Variants in GCNT2 observed in about 807,000 individuals in gnomAD.
GCNT2 encodes the protein N-acetyllactosaminide beta-1,6-N-acetylglucosaminyl-transferase.
A neutral mutation model predicts 34.2 loss-of-function variants in GCNT2; 34 were observed. The observed-to-expected ratio is 1.00, with a 90% confidence interval of 0.76 to 1.32. The LOEUF (loss-of-function observed/expected upper bound fraction) is 1.32, where lower values mean the gene tolerates loss of function less well. Among genes scored for constraint, GCNT2 ranks in the 40% most tolerant of loss-of-function variants. GCNT2 has a pLI of 0.00. For missense variants in GCNT2, 584 were observed against 489.4 expected (o/e 1.19, Z -1.82); for synonymous variants, 212 against 188.0 (o/e 1.13, Z -1.04).
chr6:10,614,846 C>T (rs116341690), intron 3 of GCNT2, among the ~76,000 whole-genome samples: 109 of 152,170 alleles, frequency 7.2e-4, no homozygotes, highest in Middle Eastern at 3.4e-3. Flanking sequence ...AATGGACGCG[C>T]GTTCATTCCT....
chr6:10,589,054 T>C (rs1764499459), intron 3 of GCNT2, among the ~76,000 whole-genome samples: 1 of 146,808 alleles, frequency 6.8e-6, no homozygotes, highest in African/African-American at 2.5e-5. Context: ...ATGGTGTGTG[T>C]GTGGTGTGTG....
At chr6:10,585,869 G>C (rs1044771263) in intron 3 of GCNT2, 5 of 1,540,294 alleles carry the variant, frequency 3.2e-6, no homozygotes, top group East Asian at 4.6e-5. Context: ...AGGAAAGCAA[G>C]CAGCCCTCCG....
chr6:10,535,888 G>C (rs577620795), intron 3 of GCNT2, among the ~76,000 whole-genome samples: 1 of 152,258 alleles, frequency 6.6e-6, no homozygotes, highest in South Asian at 2.1e-4. Context: ...TTTTCCCCTG[G>C]AGCCAGCCTG....
At chr6:10,591,923 G>T (rs1047483766) in intron 3 of GCNT2, among the ~76,000 whole-genome samples, 4 of 152,206 alleles carry the variant, frequency 2.6e-5, no homozygotes, top group Non-Finnish European at 5.9e-5. Context: ...GTCTGGGTGT[G>T]GCTGAATCAG....
intron 3 of GCNT2, chr6:10,574,618 C>T (rs1763708642): frequency 4.8e-6 from 1 of 208,254 alleles, no homozygotes; most frequent in African/African-American, 2.3e-5. Context: ...TAATCTAGAG[C>T]AGAGATCAGT....
chr6:10,573,234 A>T, intron 3 of GCNT2: 1 of 984,896 alleles, frequency 1.0e-6, no homozygotes, highest in Non-Finnish European at 1.2e-6. Flanking sequence ...TTTTCCTCGG[A>T]TGCGACATTC....
At chr6:10,617,864 T>C (rs58836592) in intron 3 of GCNT2, among the ~76,000 whole-genome samples, 19,546 of 150,944 alleles carry the variant, frequency 0.13, 2,058 homozygotes, top group African/African-American at 0.29. Flanking sequence ...AAACAATTCT[T>C]CTGCCTCAGC....
chr6:10,537,449 C>T (rs1189088465), intron 3 of GCNT2, among the ~76,000 whole-genome samples: 2 of 151,960 alleles, frequency 1.3e-5, no homozygotes, highest in Admixed American at 6.6e-5. Context: ...GCCTGTAATC[C>T]CAGCACTTTG....
At chr6:10,620,779 T>C (rs2127444448) in intron 3 of GCNT2, among the ~76,000 whole-genome samples, 1 of 152,334 alleles carries the variant, frequency 6.6e-6, no homozygotes, top group Middle Eastern at 3.4e-3. Context: ...ATTTATTTCA[T>C]AGACAGGGTT....
rs752093697 is a variant in GCNT2 at position 10,529,495 on chromosome 6, T to G, written c.584T>G (p.Phe195Cys). The change falls in exon 3 of 5, where the codon TTT (phenylalanine) becomes TGT (cysteine). Residue 195 changes from phenylalanine (F) to cysteine (C), a missense_variant. Coordinates refer to ENST00000495262, the MANE Select transcript of GCNT2 (RefSeq NM_145649.5). Reference sequence around the variant, plus strand: ...GTCATCAACACCTGCGGGCAAGACTTTCCCCTGAAAACCAACAGGGAAATA... The same window carrying G: ...GTCATCAACACCTGCGGGCAAGACTGTCCCCTGAAAACCAACAGGGAAATA... The part of the protein sequence containing the change: ...KYVINTCGQD[F>C]PLKTNREIVQ... The G allele has an allele frequency of 6.2e-7, 1 of 1,614,064 alleles. No homozygotes were observed. Among genetic ancestry groups the G allele is most frequent in the East Asian group, 2.2e-5 (1 of 44,880 alleles).
At chr6:10,562,295 G>A (rs1763021490) in intron 3 of GCNT2, among the ~76,000 whole-genome samples, 1 of 152,162 alleles carries the variant, frequency 6.6e-6, no homozygotes, top group Non-Finnish European at 1.5e-5. Flanking sequence ...ATTCTCCCCA[G>A]AAAGCCAGAA....
At chr6:10,582,338 T>C (rs1466883543) in intron 3 of GCNT2, among the ~76,000 whole-genome samples, 2 of 107,004 alleles carry the variant, frequency 1.9e-5, no homozygotes, top group African/African-American at 1.1e-4. Flanking sequence ...ATATATACTA[T>C]ATAATATATA....
At chr6:10,523,197 G>C (rs549555697) in intron 1 of GCNT2, among the ~76,000 whole-genome samples, 94 of 152,168 alleles carry the variant, frequency 6.2e-4, no homozygotes, top group Non-Finnish European at 4.7e-4. Context: ...CGAGTCAGGC[G>C]GATCACCTGA....
At chr6:10,522,768 C>T (rs1043037372) in intron 1 of GCNT2, among the ~76,000 whole-genome samples, 4 of 152,216 alleles carry the variant, frequency 2.6e-5, no homozygotes, top group African/African-American at 9.6e-5. Context: ...CGATAGAGGT[C>T]GGGAGGGTAA....
rs571591301 is a variant in GCNT2 at position 10,531,300 on chromosome 6, T to A, written c.925+1464T>A. Among the ~76,000 whole-genome samples, 3 of 152,332 alleles carry A rather than the reference T, an allele frequency of 2.0e-5. No individual in the cohort carries two copies. The South Asian group carries it at 6.2e-4, about 32-fold the overall frequency. ...CTCAAGTTGTTTATAGTGAACCAAT[T>A]TAGTCCTGCTAGTTCAATTCAAAAT... On this transcript the variant is annotated intron_variant, in intron 3 of 4. Coordinates refer to ENST00000495262, the MANE Select transcript of GCNT2 (RefSeq NM_145649.5).
intron 3 of GCNT2, among the ~76,000 whole-genome samples, chr6:10,602,302 A>G (rs1191448280): frequency 1.3e-5 from 2 of 152,150 alleles, no homozygotes; most frequent in East Asian, 1.9e-4. Flanking sequence ...CTACCCCACA[A>G]GGGCTCCTTC....
chr6:10,531,239 TC>T (rs1387574335), intron 3 of GCNT2, among the ~76,000 whole-genome samples: 1 of 152,182 alleles, frequency 6.6e-6, no homozygotes, highest in Non-Finnish European at 1.5e-5. Flanking sequence ...ATTCCATCTC[TC>T]CTTTGGTCCA....
intron 3 of GCNT2, among the ~76,000 whole-genome samples, chr6:10,553,276 G>A (rs1762557472): frequency 6.6e-6 from 1 of 152,172 alleles, no homozygotes; most frequent in Admixed American, 6.5e-5. Flanking sequence ...AGCCTGTTGT[G>A]TGCTCCTCTG....
chr6:10,627,348 G>GA lies in GCNT2; in HGVS notation c.*743dup, dbSNP rs1766303739. ...TAAGAACACTAAAAAGTCCTTGCAA[G>GA]AATGGAGATATGCATTCAAGAGAGG... On this transcript the variant is annotated 3_prime_UTR_variant, in exon 5 of 5. Coordinates refer to ENST00000495262, the MANE Select transcript of GCNT2 (RefSeq NM_145649.5). 1 of 152,238 alleles carries GA rather than the reference G, an allele frequency of 6.6e-6. No homozygotes were observed. The highest frequency in any genetic ancestry group is 1.5e-5 in the Non-Finnish European group (1 of 68,080). 9.4% of individuals were successfully genotyped at this position (152,238 alleles called of 1,614,324 possible).
Sources: gnomAD v4.1 joint callset for allele counts (sites outside exome capture counted in the v4.1 genomes callset) on GRCh38, gnomAD v4.1.1 for gene constraint, MANE v1.5 for transcripts, NCBI Gene and HGNC (gene_info 2026-07-23, HGNC 2026-07-21) for gene names.